TAF3: variants seen among roughly 807,000 people sequenced by gnomAD.
TAF3 encodes the protein transcription initiation factor TFIID subunit 3.
A neutral mutation model predicts 80.6 loss-of-function variants in TAF3; 7 were observed. The observed-to-expected ratio is 0.09, with a 90% CI of 0.05 to 0.16. TAF3 has a LOEUF of 0.16. Among genes scored for constraint, TAF3 ranks in the 10% least tolerant of loss-of-function variants. TAF3 has a pLI of 1.00. For synonymous variants in TAF3, 444 were observed against 446.1 expected, an observed-to-expected ratio of 1.00 and a Z score of 0.06; for missense variants, 921 against 1,140.2, an observed-to-expected ratio of 0.81 and a Z score of 2.77.
At chr10:7,838,029 A>G (rs1218292363) in intron 2 of TAF3, among the ~76,000 whole-genome samples, 1 of 152,234 alleles carries the variant, frequency 6.6e-6, no homozygotes, top group Non-Finnish European at 1.5e-5. Flanking sequence ...ATCTCATTTA[A>G]TCTTGAAACA....
At chr10:7,982,814 C>T (rs1318594026) in intron 4 of TAF3, among the ~76,000 whole-genome samples, 3 of 152,176 alleles carry the variant, frequency 2.0e-5, no homozygotes, top group African/African-American at 7.2e-5. Context: ...ATGGTGTCCT[C>T]CACAGCGGTT....
At chr10:7,992,208 TCA>T (rs1483507972) in intron 4 of TAF3, among the ~76,000 whole-genome samples, 1 of 152,182 alleles carries the variant, frequency 6.6e-6, no homozygotes, top group Admixed American at 6.5e-5. Context: ...CTTTCTGAAA[TCA>T]CAAAATCTTT....
At chr10:7,829,637 T>C (rs1385991731) in intron 2 of TAF3, among the ~76,000 whole-genome samples, 1 of 152,202 alleles carries the variant, frequency 6.6e-6, no homozygotes, top group East Asian at 1.9e-4. Context: ...TATGACATCA[T>C]ATCAAAGGTC....
At chr10:7,850,421 A>G (rs1837015589) in intron 2 of TAF3, among the ~76,000 whole-genome samples, 1 of 152,222 alleles carries the variant, frequency 6.6e-6, no homozygotes, top group Non-Finnish European at 1.5e-5. Flanking sequence ...CATGCCTTTA[A>G]TCCTAGCACT....
At chr10:7,866,250 G>A (rs191312676) in intron 2 of TAF3, among the ~76,000 whole-genome samples, 1 of 152,196 alleles carries the variant, frequency 6.6e-6, no homozygotes, top group African/African-American at 2.4e-5. Flanking sequence ...GGGGGATGGA[G>A]CAGTCAATAA....
chr10:7,824,582 A>G (rs1210980727), intron 2 of TAF3, 22 bp downstream of exon 2: 6 of 1,609,752 alleles, frequency 3.7e-6, no homozygotes, highest in Non-Finnish European at 4.2e-6. Context: ...TTTCTTCTTC[A>G]TATGTTAGTG....
chr10:7,870,703 C>G, intron 2 of TAF3, among the ~76,000 whole-genome samples: 1 of 151,990 alleles, frequency 6.6e-6, no homozygotes, highest in East Asian at 1.9e-4. Flanking sequence ...CCTTCCTTCA[C>G]TTCTTCTCTA....
chr10:7,967,792 G>T (rs1831587478), intron 3 of TAF3, among the ~76,000 whole-genome samples: 1 of 152,174 alleles, frequency 6.6e-6, no homozygotes, highest in Admixed American at 6.5e-5. Flanking sequence ...GGAACCTGGA[G>T]ATTGCTGCTC....
At chr10:7,936,714 G>A (rs1837924057) in intron 2 of TAF3, among the ~76,000 whole-genome samples, 1 of 151,996 alleles carries the variant, frequency 6.6e-6, no homozygotes, top group Non-Finnish European at 1.5e-5. Context: ...TTTACATTAG[G>A]GGTTGCTCTT....
intron 2 of TAF3, among the ~76,000 whole-genome samples, chr10:7,847,218 T>G (rs1836980750): frequency 6.6e-6 from 1 of 152,208 alleles, no homozygotes; most frequent in Admixed American, 6.5e-5. Context: ...AAAATTCCTC[T>G]AGGATGACAT....
chr10:7,869,988 A>G (rs137875803), intron 2 of TAF3, among the ~76,000 whole-genome samples: 482 of 152,294 alleles, frequency 3.2e-3, no homozygotes, highest in Admixed American at 5.7e-3. Context: ...CAAGTTTTGC[A>G]TATTTAAATT....
At chr10:7,837,957 G>T (rs766926357) in intron 2 of TAF3, among the ~76,000 whole-genome samples, 36 of 152,216 alleles carry the variant, frequency 2.4e-4, no homozygotes, top group Non-Finnish European at 1.0e-4. Context: ...TAATGTTTGT[G>T]TATGTAAAAG....
intron 4 of TAF3, among the ~76,000 whole-genome samples, chr10:7,980,503 G>GTTAA (rs1831716547): frequency 6.6e-6 from 1 of 152,120 alleles, no homozygotes; most frequent in Non-Finnish European, 1.5e-5. Context: ...TCCTGATAGT[G>GTTAA]TTAAAATTCA....
In TAF3 at chr10:7,964,913, C is replaced by A. The variant is rs1324305358; in HGVS notation, c.1403C>A (p.Ala468Asp). The change falls in exon 3 of 7, where the codon GCC becomes GAC. Residue 468 changes from alanine (A) to aspartate (D), a missense_variant. Around this residue, in one of 6 missense-constraint regions of TAF3, gnomAD observed 743 missense variants for 821.0 expected, o/e 0.90. Coordinates refer to ENST00000344293, the MANE Select transcript of TAF3 (RefSeq NM_031923.4). The surrounding 1 kb of genome is among the most constrained non-coding windows in gnomAD (Gnocchi z 4.1). ...SSSDNSWTMD[A>D]SIDEVVRKAK... ...TCCGATAACTCATGGACAATGGATG[C>A]CTCCATTGATGAGGTTGTACGTAAA... 5 of 1,614,132 alleles carry A rather than the reference C, an allele frequency of 3.1e-6. No homozygotes were observed. Among genetic ancestry groups the A allele is most frequent in the Middle Eastern group, 1.7e-4 (1 of 6,060 alleles).
rs150806276 is a variant in TAF3, at chr10:7,834,470, C to T, written c.409+9910C>T. Reference sequence around the variant, plus strand: ...AAATAGCATTTCAAGTACACAGTCTCGGTGCTAAGGGATACTTATTATATA... The same window carrying T: ...AAATAGCATTTCAAGTACACAGTCTTGGTGCTAAGGGATACTTATTATATA... On this transcript the variant is annotated intron_variant, in intron 2 of 6. Coordinates refer to ENST00000344293, the MANE Select transcript of TAF3 (RefSeq NM_031923.4). Among the ~76,000 whole-genome samples the T allele has an allele frequency of 3.6e-4, 54 of 151,832 alleles. 1 individual carries two copies. In the East Asian group the frequency reaches 9.3e-3, roughly 26 times the overall value.
chr10:7,868,579 C>A (rs574496998), intron 2 of TAF3, among the ~76,000 whole-genome samples: 1 of 152,328 alleles, frequency 6.6e-6, no homozygotes, highest in East Asian at 1.9e-4. Context: ...GGATTCACAT[C>A]CTGGAGCAGC....
At chr10:7,834,233 G>A (rs995472095) in intron 2 of TAF3, among the ~76,000 whole-genome samples, 1 of 152,138 alleles carries the variant, frequency 6.6e-6, no homozygotes, top group African/African-American at 2.4e-5. Context: ...TTTTGCTTTT[G>A]TCACCCTGCG....
At chr10:7,939,428 A>G (rs539696081) in intron 2 of TAF3, among the ~76,000 whole-genome samples, 1 of 152,296 alleles carries the variant, frequency 6.6e-6, no homozygotes, top group East Asian at 1.9e-4. Flanking sequence ...GTAGCCCGCC[A>G]GTTAGCAAAG....
chr10:7,995,263 T>C (rs1363414743), intron 4 of TAF3, among the ~76,000 whole-genome samples: 1 of 152,202 alleles, frequency 6.6e-6, no homozygotes, highest in Non-Finnish European at 1.5e-5. Context: ...ACATTGAGGT[T>C]CATTCATTTC....
Sources: gnomAD v4.1 joint callset for allele counts (sites outside exome capture counted in the v4.1 genomes callset) on GRCh38, gnomAD v4.1.1 for gene constraint, gnomAD v4.1.1 regional missense constraint, Gnocchi (gnomAD v3.1) non-coding constraint, MANE v1.5 for transcripts, NCBI Gene and HGNC (gene_info 2026-07-23, HGNC 2026-07-21) for gene names.